Variants in ZNF229 observed in about 807,000 individuals in gnomAD.
The protein encoded by ZNF229 is zinc finger protein 229.
Under a neutral mutation model 11.8 loss-of-function variants are expected in ZNF229, and 10 were observed. That is an observed-to-expected ratio of 0.85 (90% CI 0.52 to 1.44). The LOEUF (loss-of-function observed/expected upper bound fraction) is 1.44, where lower values mean the gene tolerates loss of function less well. Among genes scored for constraint, ZNF229 ranks in the 40% most tolerant of loss-of-function variants. ZNF229 has a pLI of 0.00. For synonymous variants in ZNF229, 368 were observed against 374.8 expected, an observed-to-expected ratio of 0.98 and a Z score of 0.21; for missense variants, 1,045 against 1,015.1, an observed-to-expected ratio of 1.03 and a Z score of -0.40.
chr19:44,428,032 A>G lies in ZNF229; in HGVS notation c.*271T>C, dbSNP rs1971610674. ...CTCCCTCCCAGGCAGATTCTGATGG[A>G]AGTGAGGATTATTACTGAAACCACT... On this transcript the variant is annotated 3_prime_UTR_variant, in exon 6 of 6. Transcript: ENST00000614049. The G allele has an allele frequency of 1.1e-5, 4 of 354,896 alleles. No homozygotes were observed. The highest frequency in any genetic ancestry group is 2.1e-5 in the African/African-American group (1 of 48,652). The allele number at this position is 354,896 out of a possible 1,614,324, so 22.0% of individuals were successfully genotyped here.
chr19:44,444,353 T>TC (rs1971969305), intron 2 of ZNF229, among the ~76,000 whole-genome samples: 1 of 150,760 alleles, frequency 6.6e-6, no homozygotes, highest in African/African-American at 2.5e-5. Context: ...AACTCAAATC[T>TC]CCTTCTTTCC....
chr19:44,428,357 G>A lies in ZNF229; in HGVS notation c.2424C>T (p.Thr808=), dbSNP rs1971618396. Residue 808 remains threonine (T), a synonymous_variant, in exon 6 of 6, where the codon ACC becomes ACT. Coordinates refer to ENST00000614049, the MANE Select transcript of ZNF229 (RefSeq NM_014518.4). ...CGVCGKGFSY[T]SGLRNHQRVH... is the part of the protein sequence containing the mutation. ...CTCTTTGGTGGTTCCGCAGACCTGA[G>A]GTATAACTGAAGCCTTTCCCACACA... 8.7e-6 allele frequency: 14 copies of A among 1,613,984 alleles called. No homozygotes were observed. The highest frequency in any genetic ancestry group is 1.2e-5 in the Non-Finnish European group (14 of 1,179,960).
rs1280063137 is a variant in ZNF229 at position 44,432,352 on chromosome 19, G to C, written c.108C>G (p.Phe36Leu). The C allele has an allele frequency of 6.2e-7, 1 of 1,613,214 alleles. No homozygotes were observed. Among genetic ancestry groups the C allele is most frequent in the Non-Finnish European group, 8.5e-7 (1 of 1,179,826 alleles). ...EKIMSQEPLS[F>L]KDVAVVFTEE... ...CAGTGAAGACCACAGCCACGTCCTT[G>C]AAGCTCAATGGCTCCTAAAATGAAA... The change falls in exon 5 of 6, where the codon TTC becomes TTG. Residue 36 changes from phenylalanine (F) to leucine (L), a missense_variant. Coordinates refer to ENST00000614049, the MANE Select transcript of ZNF229 (RefSeq NM_014518.4).
Position 44,429,681 on chromosome 19 carries a change from T to A in ZNF229, c.1100A>T (p.His367Leu), listed in dbSNP as rs1206344896. 6.2e-7 allele frequency: 1 copy of A among 1,614,048 alleles called. No individual in the cohort carries two copies. The highest frequency in any genetic ancestry group is 8.5e-7 in the Non-Finnish European group (1 of 1,180,048). Reference sequence around the variant, plus strand: ...TCTCCTTCCTGTGTGCACCCCTTGATGAATAAGAAGAACCGATTTATACCT... The same window carrying A: ...TCTCCTTCCTGTGTGCACCCCTTGAAGAATAAGAAGAACCGATTTATACCT... ...GFRYKSVLLI[H>L]QGVHTGRRPY... is the part of the protein sequence containing the mutation. Residue 367 changes from histidine (H) to leucine (L), a missense_variant, in exon 6 of 6, where the codon CAT becomes CTT. Coordinates refer to ENST00000614049, the MANE Select transcript of ZNF229 (RefSeq NM_014518.4).
intron 4 of ZNF229, among the ~76,000 whole-genome samples, chr19:44,441,350 G>A (rs551910795): frequency 7.2e-5 from 11 of 152,064 alleles, no homozygotes; most frequent in Non-Finnish European, 1.6e-4. Flanking sequence ...TTAAAATTAA[G>A]GTACACAGTA....
At chr19:44,442,782 T>TCCCCCCCCCCC in intron 3 of ZNF229, 32 bp downstream of exon 3, 7 of 1,545,170 alleles carry the variant, frequency 4.5e-6, no homozygotes, top group African/African-American at 1.4e-5. Flanking sequence ...GTTTGGATTC[T>TCCCCCCCCCCC]CCCCCCACCC....
upstream of ZNF229, chr19:44,448,480 C>A (rs895919373): frequency 2.0e-5 from 3 of 152,352 alleles, no homozygotes; most frequent in East Asian, 1.9e-4. Context: ...GGTGACGCGC[C>A]CACCGGAAAC....
chr19:44,432,584 C>A (rs185540038), intron 4 of ZNF229, among the ~76,000 whole-genome samples: 37 of 151,718 alleles, frequency 2.4e-4, no homozygotes, highest in African/African-American at 8.7e-4. Context: ...CAAACTATCG[C>A]AAGGACAAAA....
At chr19:44,435,050 G>C (rs531191671) in intron 4 of ZNF229, among the ~76,000 whole-genome samples, 1 of 152,248 alleles carries the variant, frequency 6.6e-6, no homozygotes, top group East Asian at 1.9e-4. Context: ...CTTCCACCAT[G>C]AGTGTGAGGC....
rs192391532 is a variant in ZNF229 at position 44,446,150 on chromosome 19, A to G, written c.-178+1363T>C. Among the ~76,000 whole-genome samples, 169 of 152,336 alleles carry G rather than the reference A, an allele frequency of 1.1e-3. 1 individual carries two copies. Among genetic ancestry groups the G allele is most frequent in the African/African-American group, 4.0e-3 (168 of 41,576 alleles). Reference sequence around the variant, plus strand: ...AGTTGGTACAAAGGCAGTGGGACAAAGAAGTAATGGGAATAAGAGATAATT... The same window carrying G: ...AGTTGGTACAAAGGCAGTGGGACAAGGAAGTAATGGGAATAAGAGATAATT... On this transcript the variant is annotated intron_variant, in intron 2 of 5. Coordinates refer to ENST00000614049, the MANE Select transcript of ZNF229 (RefSeq NM_014518.4).
intron 4 of ZNF229, 95 bp downstream of exon 4, chr19:44,442,468 C>G: frequency 7.9e-7 from 1 of 1,266,226 alleles, no homozygotes. Context: ...TCACCCAATA[C>G]ATTTTTCGCT....
intron 5 of ZNF229, among the ~76,000 whole-genome samples, chr19:44,431,078 A>G (rs1197675284): frequency 6.6e-6 from 1 of 152,148 alleles, no homozygotes; most frequent in Non-Finnish European, 1.5e-5. Flanking sequence ...TTCTCCCTGC[A>G]CTGTGTCTCA....
At position 44,447,620 on chromosome 19, in the gene ZNF229, A is replaced by G. The variant is rs1213723984; in HGVS notation, c.-265-20T>C. On this transcript the variant is annotated intron_variant, in intron 1 of 5. Transcript: ENST00000614049. ...GGAAGCCTGTGAAAGAAAAATGAAC[A>G]GCAGGATAACATGATTTAATCCCAA... 6.6e-6 allele frequency: 1 copy of G among 152,214 alleles called. No individual in the cohort carries two copies. The highest frequency in any genetic ancestry group is 1.5e-5 in the Non-Finnish European group (1 of 68,044). The allele number at this position is 152,214 out of a possible 1,614,324, so 9.4% of individuals were successfully genotyped here. A position where few individuals can be genotyped will look rare whatever the true frequency, so the allele number is the denominator to read the frequency against.
Position 44,432,331 on chromosome 19 carries a change from G to A in ZNF229, c.129C>T (p.Phe43=), listed in dbSNP as rs1331426764. ...CCAGCAGCTCTAGCTCCTCCTCAGT[G>A]AAGACCACAGCCACGTCCTTGAAGC... ...PLSFKDVAVV[F]TEEELELLDS... The change falls in exon 5 of 6, where the codon TTC becomes TTT. Residue 43 remains phenylalanine, a synonymous_variant. Transcript: ENST00000614049. The A allele has an allele frequency of 4.3e-6, 7 of 1,613,620 alleles. No homozygotes were observed. The East Asian group carries it at 1.6e-4, about 36-fold the overall frequency.
intron 4 of ZNF229, among the ~76,000 whole-genome samples, chr19:44,437,152 G>C (rs1023230943): frequency 6.6e-6 from 1 of 152,066 alleles, no homozygotes; most frequent in East Asian, 1.9e-4. Flanking sequence ...TTCAGACCTT[G>C]CTGATGAGAA....
At position 44,442,807 on chromosome 19, in the gene ZNF229, C is replaced by T; in HGVS notation, c.34+7G>A. 1 of 1,531,168 alleles carries T rather than the reference C, an allele frequency of 6.5e-7. No individual in the cohort carries two copies. The highest frequency in any genetic ancestry group is 1.1e-5 in the South Asian group (1 of 89,536). 94.8% of individuals were successfully genotyped at this position (1,531,168 alleles called of 1,614,324 possible). A position where few individuals can be genotyped will look rare whatever the true frequency, so the allele number is the denominator to read the frequency against. On this transcript the variant is annotated splice_region_variant and intron_variant, in intron 3 of 5. Coordinates refer to ENST00000614049, the MANE Select transcript of ZNF229 (RefSeq NM_014518.4). ...TCCCCCCACCCACCCCCTCTATTAG[C>T]TGTCACCTCTTTTCTCATGCCTTGA...
Position 44,429,491 on chromosome 19 carries a change from C to T in ZNF229, c.1290G>A (p.Glu430=), listed in dbSNP as rs1971664652. 31 of 1,613,796 alleles carry T rather than the reference C, an allele frequency of 1.9e-5. No homozygotes were observed. Among genetic ancestry groups the T allele is most frequent in the Non-Finnish European group, 2.6e-5 (31 of 1,179,986 alleles). ...CACACTCGCTGCAGGTGTAGGGCTT[C>T]TCCCCTGTGTGCAGCCTCTGATGGA... is the stretch of plus-strand genomic sequence containing the variant. ...LQVHQRLHTG[E]KPYTCSECGK... The change falls in exon 6 of 6, where the codon GAG becomes GAA. Residue 430 remains glutamate, a synonymous_variant. Coordinates refer to ENST00000614049, the MANE Select transcript of ZNF229 (RefSeq NM_014518.4).
intron 4 of ZNF229, among the ~76,000 whole-genome samples, chr19:44,435,728 T>C (rs888006355): frequency 6.6e-6 from 1 of 152,178 alleles, no homozygotes; most frequent in Non-Finnish European, 1.5e-5. Context: ...AATGCTTTGT[T>C]TGAGAAAGTA....
In ZNF229 at chr19:44,448,419, A is replaced by T. The variant is rs1475034808; in HGVS notation, c.-376T>A. ...TCCCATGGCCTGACAGTACAACCGCATGGAGATGCACGTCTCTAAGACGCC... is the reference window on the plus strand; with the variant it reads ...TCCCATGGCCTGACAGTACAACCGCTTGGAGATGCACGTCTCTAAGACGCC... On this transcript the variant is annotated 5_prime_UTR_variant, in exon 1 of 6. The change abolishes an upstream ATG in the 5' untranslated region. Transcript: ENST00000614049. 2 of 152,250 alleles carry T rather than the reference A, an allele frequency of 1.3e-5. No homozygotes were observed. The highest frequency in any genetic ancestry group is 2.9e-5 in the Non-Finnish European group (2 of 68,070). The allele number at this position is 152,250 out of a possible 1,614,324, so 9.4% of individuals were successfully genotyped here. A position where few individuals can be genotyped will look rare whatever the true frequency, so the allele number is the denominator to read the frequency against.
Sources: gnomAD v4.1 joint callset for allele counts (sites outside exome capture counted in the v4.1 genomes callset) on GRCh38, gnomAD v4.1.1 for gene constraint, MANE v1.5 for transcripts, NCBI Gene and HGNC (gene_info 2026-07-23, HGNC 2026-07-21) for gene names.